The following AOPEP variants were observed in gnomAD, a reference collection of about 807,000 sequenced individuals.
AOPEP encodes the protein aminopeptidase O.
A neutral mutation model predicts 98.1 loss-of-function variants in AOPEP; 77 were observed. The ratio of observed to expected loss-of-function variants is 0.78; its 90% CI spans 0.65 to 0.95. AOPEP has a LOEUF of 0.95. AOPEP is among the 40% of genes least tolerant of loss of function. The pLI, the probability that AOPEP is intolerant of heterozygous loss-of-function variation, is 0.00. For missense variants in AOPEP, 1,024 were observed against 1,024.7 expected (o/e 1.00, Z 0.01); for synonymous variants, 346 against 365.3 (o/e 0.95, Z 0.60).
intron 1 of AOPEP, among the ~76,000 whole-genome samples, chr9:94,738,853 C>T (rs1185884532): frequency 2.6e-5 from 4 of 152,198 alleles, no homozygotes; most frequent in Admixed American, 1.3e-4. Context: ...GGATTACAGG[C>T]GTGAGCCGCT....
intron 13 of AOPEP, among the ~76,000 whole-genome samples, chr9:95,047,795 A>G (rs776465108): frequency 3.3e-5 from 5 of 152,182 alleles, no homozygotes; most frequent in Non-Finnish European, 7.4e-5. Flanking sequence ...TTGCCATGCA[A>G]ATGTTCTGGT....
chr9:95,031,701 G>A (rs10761369), intron 13 of AOPEP, among the ~76,000 whole-genome samples: 34,204 of 152,132 alleles, frequency 0.22, 5,583 homozygotes, highest in African/African-American at 0.45. Flanking sequence ...GTTCAAGCCC[G>A]ATTCTCCGGG....
chr9:94,866,700 TG>T (rs1487739541), intron 5 of AOPEP, among the ~76,000 whole-genome samples: 1 of 152,188 alleles, frequency 6.6e-6, no homozygotes, highest in Non-Finnish European at 1.5e-5. Context: ...TGGAAATTTT[TG>T]GTGTGAAGTA....
At chr9:94,903,443 T>C (rs908799197) in intron 5 of AOPEP, among the ~76,000 whole-genome samples, 1 of 151,978 alleles carries the variant, frequency 6.6e-6, no homozygotes, top group Non-Finnish European at 1.5e-5. Flanking sequence ...ATCATCTCTT[T>C]ACAGTAATCG....
At chr9:94,938,839 A>G (rs1488284216) in intron 7 of AOPEP, among the ~76,000 whole-genome samples, 1 of 152,252 alleles carries the variant, frequency 6.6e-6, no homozygotes, top group Admixed American at 6.5e-5. Context: ...GAAAGAGTCT[A>G]GAGAACAGAT....
the AOPEP span, chr9:95,101,991 G>A: frequency 1.0e-6 from 1 of 974,760 alleles, no homozygotes; most frequent in South Asian, 1.4e-5. Flanking sequence ...AAAGCATCAG[G>A]GGCTCTAGTT....
chr9:94,776,889 T>C (rs912773783), intron 3 of AOPEP, among the ~76,000 whole-genome samples: 1 of 152,086 alleles, frequency 6.6e-6, no homozygotes, highest in Admixed American at 6.5e-5. Context: ...ATTCTTGAGC[T>C]CTTAAGTTGG....
At position 94,760,137 on chromosome 9, in the gene AOPEP, C is replaced by G; in HGVS notation, c.354C>G (p.Asn118Lys). The change falls in exon 2 of 17, where the codon AAC becomes AAG. Residue 118 changes from asparagine to lysine, a missense_variant. Physicochemically the swap from Asn to Lys is moderately conservative, Grantham distance 94 (BLOSUM62 0). Around this residue, in one of 3 missense-constraint regions of AOPEP, gnomAD observed 440 missense variants for 433.8 expected, o/e 1.01. Coordinates refer to ENST00000375315, the MANE Select transcript of AOPEP (RefSeq NM_001193329.3). ...CTGATAAAGATGGTAACCATGACAA[C>G]CAGGAACATGCTTCTGGGATTTCTA... ...DTSDKDGNHD[N>K]QEHASGISSS... 1 of 1,614,188 alleles carries G rather than the reference C, an allele frequency of 6.2e-7. No homozygotes were observed. Among genetic ancestry groups the G allele is most frequent in the Non-Finnish European group, 8.5e-7 (1 of 1,180,032 alleles).
At chr9:94,754,326 C>T (rs934472646) in intron 1 of AOPEP, among the ~76,000 whole-genome samples, 9 of 152,170 alleles carry the variant, frequency 5.9e-5, no homozygotes, top group African/African-American at 2.4e-5. Context: ...ATAATGGACA[C>T]ACCTGGAATA....
chr9:95,052,238 A>G (rs940151707), intron 13 of AOPEP, among the ~76,000 whole-genome samples: 1 of 152,224 alleles, frequency 6.6e-6, no homozygotes, highest in Non-Finnish European at 1.5e-5. Flanking sequence ...ACATTTGACT[A>G]TCAAGGATGG....
rs184477782 is a variant in AOPEP, at chr9:94,806,587, T to C, written c.1364+5585T>C. ...CTTTGTTGCTTTCTTTGTGTTCACT[T>C]TCTCCATTTTCTCTTTTATTTCAAT... On this transcript the variant is annotated intron_variant, in intron 5 of 16. Transcript: ENST00000375315. Among the ~76,000 whole-genome samples, 92 of 152,338 alleles carry C rather than the reference T, an allele frequency of 6.0e-4. No homozygotes were observed. In the East Asian group the frequency reaches 0.013, roughly 21 times the overall value.
intron 5 of AOPEP, among the ~76,000 whole-genome samples, chr9:94,817,377 A>G (rs1185926167): frequency 2.0e-5 from 3 of 152,252 alleles, no homozygotes; most frequent in Non-Finnish European, 4.4e-5. Context: ...AGGAAAGTTA[A>G]CATATTCCCT....
At chr9:95,092,084 A>ATGTG (rs1564629292), downstream of AOPEP, among the ~76,000 whole-genome samples, 3 of 145,452 alleles carry the variant, frequency 2.1e-5, no homozygotes, top group East Asian at 2.1e-4. Context: ...GTGTGTGTGC[A>ATGTG]CACACACACA....
chr9:95,125,187 TG>T, the AOPEP span: 2 of 1,612,332 alleles, frequency 1.2e-6, no homozygotes, highest in East Asian at 4.5e-5. Context: ...AGTGCACACC[TG>T]AACAATGCAA....
intron 13 of AOPEP, among the ~76,000 whole-genome samples, chr9:95,041,778 C>T (rs1425414586): frequency 2.0e-5 from 3 of 152,026 alleles, no homozygotes; most frequent in East Asian, 3.9e-4. Context: ...CGCTTTGCCT[C>T]GGCCTCCGTG....
the AOPEP span, among the ~76,000 whole-genome samples, chr9:95,112,338 T>A: frequency 6.6e-6 from 1 of 152,200 alleles, no homozygotes; most frequent in East Asian, 1.9e-4. Flanking sequence ...ACTGGGGCAG[T>A]GGCTGGAACA....
At chr9:94,733,617 G>T (rs1430375864) in intron 1 of AOPEP, among the ~76,000 whole-genome samples, 3 of 152,046 alleles carry the variant, frequency 2.0e-5, no homozygotes. Context: ...TATAAGAAAT[G>T]GAATCTTAAA....
At chr9:95,138,662 C>G in the AOPEP span, among the ~76,000 whole-genome samples, 1 of 152,242 alleles carries the variant, frequency 6.6e-6, no homozygotes, top group Admixed American at 6.5e-5. Context: ...TCTGCCAGTA[C>G]CACATCCTGG....
At chr9:94,745,918 AT>A (rs1834375301) in intron 1 of AOPEP, among the ~76,000 whole-genome samples, 1 of 152,078 alleles carries the variant, frequency 6.6e-6, no homozygotes, top group South Asian at 2.1e-4. Flanking sequence ...CGGTATTTCT[AT>A]TTGTGATTTT....
Sources: allele counts gnomAD v4.1 joint callset (sites outside exome capture counted in the v4.1 genomes callset), GRCh38; gene constraint gnomAD v4.1.1; regional missense constraint gnomAD v4.1.1; transcripts MANE v1.5; gene names NCBI Gene and HGNC (gene_info 2026-07-23, HGNC 2026-07-21).